The following CSRNP3 variants were observed in gnomAD, a reference collection of about 807,000 sequenced individuals.
CSRNP3 encodes the protein cysteine/serine-rich nuclear protein 3.
In CSRNP3, 12 loss-of-function variants were observed where a neutral mutation model predicts 48.0. That is an observed-to-expected ratio of 0.25 (90% confidence interval 0.16 to 0.41). CSRNP3 has a LOEUF of 0.41. Ranked by LOEUF, CSRNP3 falls within the 10% of genes least tolerant of loss-of-function variation. The pLI is 1.00. For synonymous variants in CSRNP3, 263 were observed against 269.7 expected (o/e 0.98, Z 0.24); for missense variants, 580 against 724.4 (o/e 0.80, Z 2.29).
intron 6 of CSRNP3, among the ~76,000 whole-genome samples, chr2:165,677,884 C>T (rs1687453698): frequency 6.6e-6 from 1 of 152,180 alleles, no homozygotes; most frequent in South Asian, 2.1e-4. Flanking sequence ...TGAACCCAAA[C>T]ACTCTATCTT....
intron 3 of CSRNP3, among the ~76,000 whole-genome samples, chr2:165,583,743 T>G (rs62174755): frequency 0.38 from 57,709 of 151,490 alleles, 11,053 homozygotes; most frequent in South Asian, 0.48. Flanking sequence ...TAGTAAATAA[T>G]AATAAGAAGA....
At position 165,676,422 on chromosome 2, in the gene CSRNP3, C is replaced by T. The variant is rs759649991; in HGVS notation, c.519C>T (p.Phe173=). ...ACACAGAGGTAGATGAGTACTTCTTCCTACAACCTTTGCCAACAAAAAAAC... is the reference window on the plus strand; with the variant it reads ...ACACAGAGGTAGATGAGTACTTCTTTCTACAACCTTTGCCAACAAAAAAAC... ...LDNTEVDEYF[F]LQPLPTKKRR... Residue 173 remains phenylalanine, a synonymous_variant, in exon 6 of 7, where the codon TTC becomes TTT. Transcript: ENST00000651982. The T allele has an allele frequency of 1.2e-6, 2 of 1,614,138 alleles. No individual in the cohort carries two copies. Among genetic ancestry groups the T allele is most frequent in the South Asian group, 1.1e-5 (1 of 91,082 alleles).
chr2:165,536,649 A>G lies in CSRNP3; in HGVS notation c.-24+18688A>G, dbSNP rs536746466. Among the ~76,000 whole-genome samples the G allele has an allele frequency of 3.3e-5, 5 of 152,010 alleles. No individual in the cohort carries two copies. The East Asian group carries it at 9.6e-4, about 29-fold the overall frequency. ...TGTTAAGCATGTGTCAAGTTCTTCA[A>G]CTCAATGCAGTGAATAGAAAATGTA... On this transcript the variant is annotated intron_variant, in intron 3 of 6. Transcript: ENST00000651982.
rs777691468 is a variant in CSRNP3, at chr2:165,666,952, G to GAGGA, written c.408+8950_408+8953dup. On this transcript the variant is annotated intron_variant, in intron 5 of 6. Transcript: ENST00000651982. The stretch of plus-strand genomic sequence containing the variant: ...AGAGAGAAGAAGAAAGAAAGAGAGA[G>GAGGA]AGGAAGGAAGGAAGGAAGGAAAGAG... Among the ~76,000 whole-genome samples the GAGGA allele has an allele frequency of 1.4e-4, 5 of 35,440 alleles. 1 individual carries two copies. The highest frequency in any genetic ancestry group is 2.5e-4 in the African/African-American group (4 of 16,288). The allele number at this position is 35,440 out of a possible 152,430, so 23.3% of individuals were successfully genotyped here.
intron 3 of CSRNP3, among the ~76,000 whole-genome samples, chr2:165,543,990 G>A (rs909400546): frequency 2.0e-5 from 3 of 146,860 alleles, no homozygotes; most frequent in Non-Finnish European, 4.5e-5. Context: ...TATTATGTTT[G>A]TATATTTTAT....
At chr2:165,653,173 T>C (rs1686942932) in intron 4 of CSRNP3, among the ~76,000 whole-genome samples, 1 of 152,180 alleles carries the variant, frequency 6.6e-6, no homozygotes, top group African/African-American at 2.4e-5. Context: ...AGTCCTCTGA[T>C]TGAATCATCA....
At chr2:165,556,373 G>A (rs530952079) in intron 3 of CSRNP3, among the ~76,000 whole-genome samples, 1 of 152,262 alleles carries the variant, frequency 6.6e-6, no homozygotes, top group African/African-American at 2.4e-5. Flanking sequence ...AAGTTTGAAG[G>A]TCTAAAGAGA....
At chr2:165,474,145 C>A (rs1297132863) in intron 1 of CSRNP3, among the ~76,000 whole-genome samples, 1 of 152,092 alleles carries the variant, frequency 6.6e-6, no homozygotes, top group Non-Finnish European at 1.5e-5. Flanking sequence ...ATAAAAATGA[C>A]ATTATTTTAA....
At chr2:165,582,506 C>T (rs139963287) in intron 3 of CSRNP3, among the ~76,000 whole-genome samples, 29 of 152,330 alleles carry the variant, frequency 1.9e-4, no homozygotes, top group African/African-American at 6.7e-4. Flanking sequence ...ATGTCTCCAG[C>T]AAATGCAGTA....
In CSRNP3 at chr2:165,673,131, C is replaced by CTT. The variant is rs3032370; in HGVS notation, c.409-3158_409-3157dup. Among the ~76,000 whole-genome samples, 605 of 67,052 alleles carry CTT rather than the reference C, an allele frequency of 9.0e-3. 56 individuals carry two copies. Among genetic ancestry groups the CTT allele is most frequent in the Middle Eastern group, 0.052 (3 of 58 alleles). 44.0% of individuals were successfully genotyped at this position (67,052 alleles called of 152,430 possible). On this transcript the variant is annotated intron_variant, in intron 5 of 6. Transcript: ENST00000651982. ...AGCAAGAGTGAAACAGTATGTAGCT[C>CTT]TTTTTTTTTTTTTTTTTTTTTTTTG...
chr2:165,605,473 A>G (rs1685993824), intron 4 of CSRNP3, among the ~76,000 whole-genome samples: 1 of 152,266 alleles, frequency 6.6e-6, no homozygotes, highest in African/African-American at 2.4e-5. Flanking sequence ...GACAGAAAAA[A>G]AATGATAGAT....
intron 2 of CSRNP3, among the ~76,000 whole-genome samples, chr2:165,503,880 G>T (rs927288730): frequency 2.0e-5 from 3 of 151,770 alleles, no homozygotes; most frequent in Non-Finnish European, 4.4e-5. Flanking sequence ...CTTTAATTTA[G>T]TCATAGGATA....
chr2:165,568,451 G>A (rs1030304500), intron 3 of CSRNP3, among the ~76,000 whole-genome samples: 4 of 152,018 alleles, frequency 2.6e-5, no homozygotes, highest in African/African-American at 9.7e-5. Flanking sequence ...TCTTGTCTTT[G>A]TTTCTGGGCT....
chr2:165,577,945 T>C (rs1456504286), intron 3 of CSRNP3, among the ~76,000 whole-genome samples: 1 of 152,060 alleles, frequency 6.6e-6, no homozygotes, highest in Non-Finnish European at 1.5e-5. Flanking sequence ...AATTTATTTT[T>C]AGTTTGTCTT....
At chr2:165,530,057 A>T (rs1684791037) in intron 3 of CSRNP3, among the ~76,000 whole-genome samples, 1 of 152,218 alleles carries the variant, frequency 6.6e-6, no homozygotes, top group African/African-American at 2.4e-5. Flanking sequence ...AGTTTGCCAA[A>T]TGTAGCTAAA....
At chr2:165,677,716 G>A (rs1444326049) in intron 6 of CSRNP3, among the ~76,000 whole-genome samples, 1 of 152,122 alleles carries the variant, frequency 6.6e-6, no homozygotes, top group Non-Finnish European at 1.5e-5. Flanking sequence ...GCTGGATAAG[G>A]TGACAAGCAG....
At chr2:165,644,504 G>T (rs564883843) in intron 4 of CSRNP3, among the ~76,000 whole-genome samples, 1 of 152,260 alleles carries the variant, frequency 6.6e-6, no homozygotes, top group East Asian at 1.9e-4. Flanking sequence ...ATATATAAGT[G>T]AGTTTTAGTG....
chr2:165,556,815 G>A (rs1189239445), intron 3 of CSRNP3, among the ~76,000 whole-genome samples: 1 of 152,160 alleles, frequency 6.6e-6, no homozygotes, highest in Non-Finnish European at 1.5e-5. Context: ...AATGCAAGAA[G>A]AGCTTCTCTT....
At chr2:165,507,296 A>C (rs771853004) in intron 2 of CSRNP3, among the ~76,000 whole-genome samples, 23 of 152,156 alleles carry the variant, frequency 1.5e-4, no homozygotes, top group South Asian at 2.1e-4. Context: ...GACTGATGTT[A>C]AGTAATTTGT....
Sources: allele counts gnomAD v4.1 joint callset (sites outside exome capture counted in the v4.1 genomes callset), GRCh38; gene constraint gnomAD v4.1.1; transcripts MANE v1.5; gene names NCBI Gene and HGNC (gene_info 2026-07-23, HGNC 2026-07-21).